Variants in CEP128 observed in about 807,000 individuals in gnomAD.
CEP128 encodes the protein centrosomal protein 128kDa.
CEP128 carries 132 observed loss-of-function variants against 156.7 expected under a neutral mutation model. The observed-to-expected ratio is 0.84, with a 90% CI of 0.73 to 0.97. The LOEUF (loss-of-function observed/expected upper bound fraction) is 0.97, where lower values mean the gene tolerates loss of function less well. Ranked by LOEUF, CEP128 falls within the 50% of genes least tolerant of loss-of-function variation. The probability of loss-of-function intolerance (pLI) is 0.00; values close to 1 mark genes in which losing one functional copy is unlikely to be tolerated. For synonymous variants in CEP128, 469 were observed against 448.9 expected (o/e 1.04, Z -0.57); for missense variants, 1,252 against 1,281.9 (o/e 0.98, Z 0.36).
At position 80,848,343 on chromosome 14, in the gene CEP128, A is replaced by G. The variant is rs545886866; in HGVS notation, c.763-7575T>C. Among the ~76,000 whole-genome samples, 11 of 152,290 alleles carry G rather than the reference A, an allele frequency of 7.2e-5. No homozygotes were observed. In the East Asian group the frequency reaches 2.1e-3, roughly 29 times the overall value. On this transcript the variant is annotated intron_variant, in intron 9 of 24. Coordinates refer to ENST00000555265, the MANE Select transcript of CEP128 (RefSeq NM_152446.5). The stretch of plus-strand genomic sequence containing the variant: ...GCAAGACGGCCAGGATGGTTGGCCT[A>G]GAGTTGGCAAGAAGAACAACAATAG...
At chr14:80,601,120 A>G (rs1231400193) in intron 19 of CEP128, among the ~76,000 whole-genome samples, 1 of 152,190 alleles carries the variant, frequency 6.6e-6, no homozygotes, top group Non-Finnish European at 1.5e-5. Context: ...AAATATTTAC[A>G]TACTTAATAC....
In CEP128 at chr14:80,501,075, CT is replaced by C. The variant is rs1438442854; in HGVS notation, c.3182-3494del. Among the ~76,000 whole-genome samples the C allele has an allele frequency of 2.0e-5, 3 of 151,822 alleles. No individual in the cohort carries two copies. In the East Asian group the frequency reaches 5.8e-4, roughly 29 times the overall value. On this transcript the variant is annotated intron_variant, in intron 24 of 24. Coordinates refer to ENST00000555265, the MANE Select transcript of CEP128 (RefSeq NM_152446.5). ...TTCAATCGTATCAGATATCTATTAGCTTTTTGTTTGTTTCCTGCAAATTTTC... is the reference window on the plus strand; with the variant it reads ...TTCAATCGTATCAGATATCTATTAGCTTTTGTTTGTTTCCTGCAAATTTTC...
At chr14:80,790,645 AAT>A (rs1461966127) in intron 14 of CEP128, among the ~76,000 whole-genome samples, 1 of 152,102 alleles carries the variant, frequency 6.6e-6, no homozygotes, top group Non-Finnish European at 1.5e-5. Context: ...GTAGTTTTGT[AAT>A]ATGATATATA....
At chr14:80,864,013 A>ACTG (rs1166804104) in intron 8 of CEP128, among the ~76,000 whole-genome samples, 1 of 152,198 alleles carries the variant, frequency 6.6e-6, no homozygotes, top group Non-Finnish European at 1.5e-5. Flanking sequence ...TGCCACTACC[A>ACTG]CTGCTGAGAT....
chr14:80,487,683 A>G (rs1473587869), downstream of CEP128, among the ~76,000 whole-genome samples: 1 of 152,220 alleles, frequency 6.6e-6, no homozygotes, highest in Non-Finnish European at 1.5e-5. Context: ...TGTCTCTCAG[A>G]CCACAGTGCA....
At chr14:80,889,371 C>T (rs1355221922) in intron 8 of CEP128, among the ~76,000 whole-genome samples, 7 of 152,132 alleles carry the variant, frequency 4.6e-5, no homozygotes, top group African/African-American at 9.7e-5. Context: ...TACCTGACTT[C>T]GAACTATACT....
At chr14:80,818,903 T>A (rs1354858634) in intron 13 of CEP128, among the ~76,000 whole-genome samples, 2 of 152,222 alleles carry the variant, frequency 1.3e-5, no homozygotes, top group African/African-American at 4.8e-5. Flanking sequence ...TATATTATTC[T>A]GTCCTTGAAG....
chr14:80,586,010 A>G (rs1281826728), intron 19 of CEP128, among the ~76,000 whole-genome samples: 2 of 151,100 alleles, frequency 1.3e-5, no homozygotes, highest in African/African-American at 2.5e-5. Context: ...TGCCAGAGAT[A>G]ACGGGTCAGT....
chr14:80,774,105 C>T (rs1900659116), intron 16 of CEP128, among the ~76,000 whole-genome samples: 1 of 152,136 alleles, frequency 6.6e-6, no homozygotes, highest in Non-Finnish European at 1.5e-5. Flanking sequence ...GGAAAATATG[C>T]TAAAGTCAGT....
intron 19 of CEP128, among the ~76,000 whole-genome samples, chr14:80,601,255 A>G (rs1391150358): frequency 2.0e-5 from 3 of 152,212 alleles, no homozygotes; most frequent in African/African-American, 4.8e-5. Flanking sequence ...TAAGTCGTGC[A>G]TTGCTTAATG....
intron 19 of CEP128, among the ~76,000 whole-genome samples, chr14:80,638,558 C>T (rs1480000767): frequency 6.6e-6 from 1 of 152,178 alleles, no homozygotes; most frequent in Non-Finnish European, 1.5e-5. Context: ...CCCCTCATCC[C>T]TCTACTTTCT....
At chr14:80,739,367 G>A (rs1016189872) in intron 19 of CEP128, among the ~76,000 whole-genome samples, 3 of 152,124 alleles carry the variant, frequency 2.0e-5, no homozygotes, top group East Asian at 3.8e-4. Context: ...CTTAAAAGAA[G>A]AAATCCCTAA....
At position 80,796,332 on chromosome 14, in the gene CEP128, C is replaced by T. The variant is rs150268630; in HGVS notation, c.1210-3222G>A. On this transcript the variant is annotated intron_variant, in intron 13 of 24. Coordinates refer to ENST00000555265, the MANE Select transcript of CEP128 (RefSeq NM_152446.5). ...AAAATTAGCTGGGTATGGTGGCACACGCCTGTAATCCCAGCTACTCAGGAG... is the reference window on the plus strand; with the variant it reads ...AAAATTAGCTGGGTATGGTGGCACATGCCTGTAATCCCAGCTACTCAGGAG... 1.4e-3 allele frequency among the ~76,000 whole-genome samples: 207 copies of T among 152,200 alleles called. 1 individual carries two copies. Among genetic ancestry groups the T allele is most frequent in the African/African-American group, 4.0e-3 (166 of 41,562 alleles).
chr14:80,714,244 G>T (rs961894209), intron 19 of CEP128, among the ~76,000 whole-genome samples: 8 of 151,872 alleles, frequency 5.3e-5, no homozygotes, highest in Non-Finnish European at 1.2e-4. Context: ...CATACACTTG[G>T]AATTTTAAAA....
chr14:80,604,764 A>T (rs1892714670), intron 19 of CEP128, among the ~76,000 whole-genome samples: 1 of 151,648 alleles, frequency 6.6e-6, no homozygotes, highest in Non-Finnish European at 1.5e-5. Context: ...CTATATTCAA[A>T]CTCTTTGGTA....
chr14:80,753,952 A>G (rs925816709), intron 18 of CEP128, among the ~76,000 whole-genome samples: 6 of 151,706 alleles, frequency 4.0e-5, no homozygotes, highest in African/African-American at 1.5e-4. Context: ...CTTAATTCAG[A>G]CTCTCACTCT....
At chr14:80,898,038 C>G (rs1282517460) in intron 7 of CEP128, among the ~76,000 whole-genome samples, 2 of 152,166 alleles carry the variant, frequency 1.3e-5, no homozygotes, top group Admixed American at 1.3e-4. Flanking sequence ...CCTCGGCCTC[C>G]CAAAATGTTG....
chr14:80,893,049 C>T (rs1889177806), intron 8 of CEP128, among the ~76,000 whole-genome samples: 1 of 151,836 alleles, frequency 6.6e-6, no homozygotes, highest in Non-Finnish European at 1.5e-5. Flanking sequence ...TCATTACTCA[C>T]AATAGCCAAG....
chr14:80,783,100 A>C (rs1475016679), intron 15 of CEP128, among the ~76,000 whole-genome samples: 1 of 152,152 alleles, frequency 6.6e-6, no homozygotes, highest in African/African-American at 2.4e-5. Context: ...ATTATGTACT[A>C]ATCTGTTCCA....
Sources: gnomAD v4.1 joint callset for allele counts (sites outside exome capture counted in the v4.1 genomes callset) on GRCh38, gnomAD v4.1.1 for gene constraint, MANE v1.5 for transcripts, NCBI Gene and HGNC (gene_info 2026-07-23, HGNC 2026-07-21) for gene names.